The following WDR70 variants were observed in gnomAD, a reference collection of about 807,000 sequenced individuals.
WDR70 encodes the protein WD repeat domain 70.
A neutral mutation model predicts 88.6 loss-of-function variants in WDR70; 53 were observed. That is an observed-to-expected ratio of 0.60 (90% confidence interval 0.48 to 0.75). The LOEUF (loss-of-function observed/expected upper bound fraction) is 0.75, where lower values mean the gene tolerates loss of function less well. Ranked by LOEUF, WDR70 falls within the 30% of genes least tolerant of loss-of-function variation. The probability of loss-of-function intolerance (pLI) is 0.00; values close to 1 mark genes in which losing one functional copy is unlikely to be tolerated. For synonymous variants in WDR70, 280 were observed against 270.0 expected (o/e 1.04, Z -0.36); for missense variants, 610 against 823.2 (o/e 0.74, Z 3.17).
At chr5:37,563,455 G>A (rs1371097809) in intron 9 of WDR70, among the ~76,000 whole-genome samples, 3 of 57,586 alleles carry the variant, frequency 5.2e-5, no homozygotes, top group African/African-American at 1.7e-4. Context: ...CTTCCCGGAC[G>A]GGGCGGCTGG....
intron 10 of WDR70, among the ~76,000 whole-genome samples, chr5:37,672,285 C>T (rs181386050): frequency 1.2e-3 from 182 of 152,128 alleles, no homozygotes; most frequent in African/African-American, 4.0e-3. Flanking sequence ...AGGGAAAGAC[C>T]TGACTGTCCC....
At chr5:37,415,381 C>G (rs1297683600) in intron 5 of WDR70, among the ~76,000 whole-genome samples, 7 of 131,912 alleles carry the variant, frequency 5.3e-5, no homozygotes, top group South Asian at 2.6e-4. Context: ...CCCCTCACCT[C>G]CCGGACGGGG....
intron 9 of WDR70, among the ~76,000 whole-genome samples, chr5:37,527,659 G>C (rs1388717768): frequency 6.6e-6 from 1 of 152,142 alleles, no homozygotes; most frequent in Non-Finnish European, 1.5e-5. Context: ...AAGAGCTTCT[G>C]CACAGCAAAA....
intron 5 of WDR70, among the ~76,000 whole-genome samples, chr5:37,402,563 TA>T (rs1749229764): frequency 6.6e-6 from 1 of 152,124 alleles, no homozygotes; most frequent in Non-Finnish European, 1.5e-5. Context: ...GATAAATTCG[TA>T]AAATGTGTAC....
chr5:37,518,774 A>G (rs1740977615), intron 9 of WDR70, among the ~76,000 whole-genome samples: 1 of 151,012 alleles, frequency 6.6e-6, no homozygotes, highest in African/African-American at 2.4e-5. Context: ...AGTGGAGAGA[A>G]GGTCAGCAGA....
chr5:37,717,082 G>C (rs1469846198), intron 13 of WDR70, among the ~76,000 whole-genome samples: 1 of 152,040 alleles, frequency 6.6e-6, no homozygotes, highest in Non-Finnish European at 1.5e-5. Flanking sequence ...GGGCAAATTT[G>C]TGGTTACCCT....
At chr5:37,658,216 A>G (rs1348936731) in intron 10 of WDR70, among the ~76,000 whole-genome samples, 1 of 151,422 alleles carries the variant, frequency 6.6e-6, no homozygotes, top group African/African-American at 2.4e-5. Flanking sequence ...TCTCGGGGGT[A>G]GCATAGGCAG....
chr5:37,600,175 G>A (rs1581425580), intron 9 of WDR70, among the ~76,000 whole-genome samples: 1 of 152,044 alleles, frequency 6.6e-6, no homozygotes, highest in African/African-American at 2.4e-5. Flanking sequence ...GAAGACTTGG[G>A]GAAAATATTT....
At chr5:37,442,538 G>T (rs981453111) in intron 6 of WDR70, among the ~76,000 whole-genome samples, 16 of 151,352 alleles carry the variant, frequency 1.1e-4, no homozygotes, top group African/African-American at 3.6e-4. Context: ...GGCCAGGCTG[G>T]TCTCAAACTC....
At chr5:37,456,860 A>C (rs1738855816) in intron 7 of WDR70, among the ~76,000 whole-genome samples, 1 of 152,222 alleles carries the variant, frequency 6.6e-6, no homozygotes, top group Admixed American at 6.5e-5. Context: ...GGGATATTTG[A>C]AAACTAAAAC....
chr5:37,621,750 A>G (rs1744510833), intron 10 of WDR70, among the ~76,000 whole-genome samples: 1 of 152,114 alleles, frequency 6.6e-6, no homozygotes, highest in South Asian at 2.1e-4. Flanking sequence ...CCATTTGTCA[A>G]TTTTGGCTTT....
intron 9 of WDR70, among the ~76,000 whole-genome samples, chr5:37,598,610 G>C (rs2112463248): frequency 1.3e-5 from 2 of 152,324 alleles, no homozygotes; most frequent in Middle Eastern, 6.8e-3. Context: ...AGTTCACCTA[G>C]AAGTACAAAT....
chr5:37,463,824 G>A (rs1369593468), intron 7 of WDR70, among the ~76,000 whole-genome samples: 3 of 152,166 alleles, frequency 2.0e-5, no homozygotes, highest in African/African-American at 7.2e-5. Flanking sequence ...TTTTAACTCT[G>A]TGGCTAGCAG....
At chr5:37,639,316 A>T (rs571513884) in intron 10 of WDR70, among the ~76,000 whole-genome samples, 2 of 152,226 alleles carry the variant, frequency 1.3e-5, no homozygotes, top group East Asian at 3.9e-4. Context: ...ATCTCTGAAG[A>T]CTCGTCAAAA....
At chr5:37,480,427 A>C (rs1739626665) in intron 8 of WDR70, among the ~76,000 whole-genome samples, 1 of 152,218 alleles carries the variant, frequency 6.6e-6, no homozygotes, top group Admixed American at 6.5e-5. Flanking sequence ...TATAAAGGAA[A>C]GAGGTTAATT....
At chr5:37,500,616 A>G (rs1740377178) in intron 8 of WDR70, among the ~76,000 whole-genome samples, 1 of 150,632 alleles carries the variant, frequency 6.6e-6, no homozygotes. Flanking sequence ...CTTTTTAATA[A>G]TGGCCATTCT....
intron 17 of WDR70, among the ~76,000 whole-genome samples, chr5:37,731,031 C>T (rs1748129337): frequency 6.6e-6 from 1 of 152,126 alleles, no homozygotes; most frequent in Admixed American, 6.5e-5. Flanking sequence ...AGCCAAGTCC[C>T]AGGGAGGGTC....
At chr5:37,474,475 A>G (rs1739418823) in intron 7 of WDR70, among the ~76,000 whole-genome samples, 2 of 152,226 alleles carry the variant, frequency 1.3e-5, no homozygotes, top group Middle Eastern at 6.8e-3. Context: ...TGCTTTATGT[A>G]TTTGGAGGAA....
chr5:37,468,488 G>T (rs1278710689), intron 7 of WDR70, among the ~76,000 whole-genome samples: 3 of 151,268 alleles, frequency 2.0e-5, no homozygotes, highest in African/African-American at 7.3e-5. Context: ...AATTTTTATT[G>T]ACACATAATA....
Sources: gnomAD v4.1 joint callset for allele counts (sites outside exome capture counted in the v4.1 genomes callset) on GRCh38, gnomAD v4.1.1 for gene constraint, MANE v1.5 for transcripts, NCBI Gene and HGNC (gene_info 2026-07-23, HGNC 2026-07-21) for gene names.